The following EXD1 variants were observed in gnomAD, a reference collection of about 807,000 sequenced individuals.
The protein encoded by EXD1 is exonuclease 3'-5' domain containing 1.
A neutral mutation model predicts 49.1 loss-of-function variants in EXD1; 63 were observed. The observed-to-expected ratio is 1.28, with a 90% CI of 1.05 to 1.58. The LOEUF (loss-of-function observed/expected upper bound fraction) is 1.58. Among genes scored for constraint, EXD1 ranks in the 40% most tolerant of loss-of-function variants. The pLI is 0.00. For synonymous variants in EXD1, 234 were observed against 239.2 expected (o/e 0.98, Z 0.20); for missense variants, 748 against 666.0 (o/e 1.12, Z -1.36).
chr15:41,211,532 CAG>C (rs1294877776), intron 6 of EXD1, among the ~76,000 whole-genome samples: 4 of 151,548 alleles, frequency 2.6e-5, no homozygotes, highest in African/African-American at 9.7e-5. Context: ...AATTAAAAAA[CAG>C]CAAAAGGTTT....
intron 6 of EXD1, among the ~76,000 whole-genome samples, chr15:41,214,115 C>T (rs1220662399): frequency 2.0e-5 from 3 of 151,926 alleles, no homozygotes; most frequent in Admixed American, 1.3e-4. Context: ...TGCAGTGAGC[C>T]GAGATAGTGC....
intron 6 of EXD1, among the ~76,000 whole-genome samples, chr15:41,212,368 T>C (rs1566989053): frequency 1.3e-5 from 2 of 151,294 alleles, no homozygotes; most frequent in Non-Finnish European, 2.9e-5. Context: ...GGCAGGAGAA[T>C]GGTGTGAACC....
intron 6 of EXD1, 57 bp from the exon 7 acceptor site, chr15:41,209,644 ACAT>A (rs1246213641): frequency 6.9e-7 from 1 of 1,440,892 alleles, no homozygotes; most frequent in African/African-American, 1.4e-5. Context: ...TGGCATGATA[ACAT>A]CATGATTGGC....
At chr15:41,201,027 C>T in intron 7 of EXD1, among the ~76,000 whole-genome samples, 1 of 151,916 alleles carries the variant, frequency 6.6e-6, no homozygotes, top group Non-Finnish European at 1.5e-5. Flanking sequence ...GTACGTGCCA[C>T]CACACCCGGC....
intron 9 of EXD1, among the ~76,000 whole-genome samples, chr15:41,192,594 ATTTTTTTTTTTTTTTTTTTTT>A (rs59054803): frequency 0.011 from 433 of 40,874 alleles, 9 homozygotes; most frequent in Non-Finnish European, 0.016. Context: ...TGCGCCAGGC[ATTTTTTTTTTTTTTTTTTTTT>A]TTTTTTTTTT....
chr15:41,229,769 A>AAACAAC (rs150026444), intron 1 of EXD1, among the ~76,000 whole-genome samples: 23,990 of 151,636 alleles, frequency 0.16, 3,461 homozygotes, highest in African/African-American at 0.39. Flanking sequence ...ACTCCGTCTC[A>AAACAAC]AACAACAACA....
chr15:41,199,369 T>C (rs2140846518), intron 7 of EXD1, among the ~76,000 whole-genome samples: 1 of 151,336 alleles, frequency 6.6e-6, no homozygotes, highest in Admixed American at 6.6e-5. Flanking sequence ...ATTACAGGCA[T>C]GCACCACCAT....
chr15:41,217,213 C>A, intron 3 of EXD1, 59 bp from the exon 4 acceptor site: 1 of 1,369,702 alleles, frequency 7.3e-7, no homozygotes, highest in East Asian at 2.3e-5. Flanking sequence ...ATTAACTACT[C>A]CACTACCCAC....
chr15:41,193,980 C>G (rs971367492), intron 9 of EXD1, among the ~76,000 whole-genome samples: 6 of 150,032 alleles, frequency 4.0e-5, no homozygotes, highest in Non-Finnish European at 7.4e-5. Flanking sequence ...CAGGTAGGCC[C>G]TAAATGGAAT....
chr15:41,206,641 A>C (rs1329519197), intron 7 of EXD1, among the ~76,000 whole-genome samples: 2 of 39,868 alleles, frequency 5.0e-5, no homozygotes, highest in Non-Finnish European at 1.1e-4. Flanking sequence ...TTTTTTTTTG[A>C]GAAGGAGTCT....
At chr15:41,215,157 C>T (rs1464881942) in intron 6 of EXD1, among the ~76,000 whole-genome samples, 1 of 152,206 alleles carries the variant, frequency 6.6e-6, no homozygotes, top group African/African-American at 2.4e-5. Context: ...AATAGGACCT[C>T]CTTGTCACTC....
At chr15:41,209,446 T>G in intron 7 of EXD1, 55 bp downstream of exon 7, 1 of 1,494,904 alleles carries the variant, frequency 6.7e-7, no homozygotes, top group Non-Finnish European at 9.2e-7. Flanking sequence ...AAGAAAAAAA[T>G]CTACCAGTGG....
chr15:41,229,595 C>T (rs1471988540), intron 1 of EXD1, among the ~76,000 whole-genome samples: 1 of 152,112 alleles, frequency 6.6e-6, no homozygotes, highest in African/African-American at 2.4e-5. Context: ...ATGGAGAAGC[C>T]CTGTCTCTAC....
chr15:41,191,389 T>G (rs926883345), intron 10 of EXD1, 53 bp downstream of exon 10: 2 of 1,537,826 alleles, frequency 1.3e-6, no homozygotes, highest in African/African-American at 2.8e-5. Context: ...ATAATACTGC[T>G]CAGAAAACAC....
chr15:41,204,721 C>T, intron 7 of EXD1, among the ~76,000 whole-genome samples: 1 of 151,826 alleles, frequency 6.6e-6, no homozygotes, highest in East Asian at 1.9e-4. Context: ...ACAGAGACTC[C>T]ATCTCAAAAA....
At chr15:41,199,091 C>T (rs1328538855) in intron 7 of EXD1, among the ~76,000 whole-genome samples, 1 of 152,104 alleles carries the variant, frequency 6.6e-6, no homozygotes, top group Non-Finnish European at 1.5e-5. Context: ...TCCCAAGTAG[C>T]TGGGATTACA....
rs751801309 is a variant in EXD1, at chr15:41,195,914, A to G, written c.639+19T>C. ...TGGCTGCTAATCTTAATAGCACAGG[A>G]ATCAGTTTATATACTTACCTTCAAA... On this transcript the variant is annotated intron_variant, in intron 8 of 11. Coordinates refer to ENST00000458580, the MANE Select transcript of EXD1 (RefSeq NM_001286441.2). The G allele has an allele frequency of 1.2e-6, 2 of 1,610,294 alleles. No individual in the cohort carries two copies. Among genetic ancestry groups the G allele is most frequent in the South Asian group, 1.1e-5 (1 of 90,636 alleles).
intron 11 of EXD1, among the ~76,000 whole-genome samples, chr15:41,185,658 C>T (rs1421638289): frequency 6.6e-6 from 1 of 152,054 alleles, no homozygotes; most frequent in African/African-American, 2.4e-5. Context: ...GGAGCTGCAA[C>T]TTCAGGTGTG....
At position 41,184,172 on chromosome 15, in the gene EXD1, T is replaced by C. The variant is rs2046367008; in HGVS notation, c.1478A>G (p.His493Arg). The change falls in exon 12 of 12, where the codon CAT becomes CGT. Residue 493 changes from histidine (H) to arginine (R), a missense_variant. Coordinates refer to ENST00000458580, the MANE Select transcript of EXD1 (RefSeq NM_001286441.2). ...TQKEHFMTPK[H>R]EFQASLSLKE... is the part of the protein sequence containing the mutation. ...CAAAGATAAACTTGCCTGAAACTCA[T>C]GTTTGGGTGTCATAAAGTGTTCTTT... The C allele has an allele frequency of 6.2e-7, 1 of 1,614,056 alleles. No individual in the cohort carries two copies. Among genetic ancestry groups the C allele is most frequent in the Admixed American group, 1.7e-5 (1 of 59,990 alleles).
Sources: allele counts gnomAD v4.1 joint callset (sites outside exome capture counted in the v4.1 genomes callset), GRCh38; gene constraint gnomAD v4.1.1; transcripts MANE v1.5; gene names NCBI Gene and HGNC (gene_info 2026-07-23, HGNC 2026-07-21).